RBFOX1: variants seen among roughly 807,000 people sequenced by gnomAD.
RBFOX1 encodes the protein RNA binding protein fox-1 homolog 1.
In RBFOX1, 8 loss-of-function variants were observed where a neutral mutation model predicts 57.7. The ratio of observed to expected loss-of-function variants is 0.14; its 90% confidence interval spans 0.08 to 0.25. The LOEUF is 0.25. RBFOX1 is among the 10% of genes least tolerant of loss of function. The pLI, the probability that RBFOX1 is intolerant of heterozygous loss-of-function variation, is 1.00. For synonymous variants in RBFOX1, 326 were observed against 222.4 expected (o/e 1.47, Z -4.15); for missense variants, 611 against 548.5 (o/e 1.11, Z -1.14).
intron 2 of RBFOX1, among the ~76,000 whole-genome samples, chr16:6,478,563 G>A (rs2153091802): frequency 6.6e-6 from 1 of 150,670 alleles, no homozygotes; most frequent in Admixed American, 6.6e-5. Context: ...CGCTGTCCCA[G>A]CTTTAAAAGT....
At chr16:5,864,334 A>G (rs577231556) in intron 3 of RBFOX1, among the ~76,000 whole-genome samples, 134 of 152,342 alleles carry the variant, frequency 8.8e-4, no homozygotes, top group Non-Finnish European at 1.2e-3. Flanking sequence ...TTAATTTTAC[A>G]AGTGGATACA....
intron 4 of RBFOX1, among the ~76,000 whole-genome samples, chr16:7,233,384 A>C (rs2093610775): frequency 2.6e-5 from 4 of 152,150 alleles, no homozygotes. Flanking sequence ...CCAAGTCCTG[A>C]TCACCATTTG....
intron 4 of RBFOX1, among the ~76,000 whole-genome samples, chr16:7,225,920 A>ATATATATATATATATATATAT (rs71147674): frequency 5.7e-5 from 8 of 140,926 alleles, no homozygotes; most frequent in Non-Finnish European, 9.3e-5. Flanking sequence ...ATATATATAT[A>ATATATATATATATATATATAT]AATGTGAATG....
At chr16:5,821,702 C>A (rs1308042607) in intron 3 of RBFOX1, among the ~76,000 whole-genome samples, 2 of 152,164 alleles carry the variant, frequency 1.3e-5, no homozygotes, top group African/African-American at 4.8e-5. Context: ...GAACAGAAAG[C>A]ACAAACATTA....
chr16:7,651,061 G>A (rs927574516), intron 11 of RBFOX1, among the ~76,000 whole-genome samples: 1 of 148,466 alleles, frequency 6.7e-6, no homozygotes, highest in African/African-American at 2.4e-5. Flanking sequence ...TCTATCTTTA[G>A]CAAGAATAAA....
In RBFOX1 at chr16:5,671,795, G is replaced by A. The variant is rs151127768; in HGVS notation, c.318+72834G>A. 9.6e-4 allele frequency among the ~76,000 whole-genome samples: 146 copies of A among 152,292 alleles called. 2 individuals carry two copies. Among genetic ancestry groups the A allele is most frequent in the Middle Eastern group, 3.4e-3 (1 of 294 alleles). On this transcript the variant is annotated intron_variant, in intron 3 of 19. Transcript: ENST00000641259. ...CTATCCAGTGAATATAAGGCCCCTT[G>A]TCTTTTTATAATTTAAAATGACTAT...
intron 4 of RBFOX1, among the ~76,000 whole-genome samples, chr16:7,327,170 G>C (rs1178083146): frequency 4.6e-5 from 7 of 152,162 alleles, no homozygotes; most frequent in African/African-American, 1.2e-4. Flanking sequence ...TGGAACATTT[G>C]ACTTAGGCCA....
At position 6,055,672 on chromosome 16, in the gene RBFOX1, G is replaced by C. The variant is rs200393378; in HGVS notation, c.-127+35680G>C. Among the ~76,000 whole-genome samples the C allele has an allele frequency of 3.3e-5, 5 of 150,694 alleles. No homozygotes were observed. The East Asian group carries it at 9.8e-4, about 30-fold the overall frequency. On this transcript the variant is annotated intron_variant, in intron 1 of 15. Coordinates refer to ENST00000550418, the MANE Select transcript of RBFOX1 (RefSeq NM_018723.4). ...CTCATGGAAGTTTGCAGTCTGAGAA[G>C]CGAGACAAAAAAAAGTGAAATCATT...
chr16:5,860,992 C>G (rs1323280963), intron 3 of RBFOX1, among the ~76,000 whole-genome samples: 1 of 152,142 alleles, frequency 6.6e-6, no homozygotes, highest in Admixed American at 6.5e-5. Flanking sequence ...TTCCTGAAGG[C>G]TAAAGGGATA....
intron 2 of RBFOX1, among the ~76,000 whole-genome samples, chr16:6,575,701 T>C (rs1359293741): frequency 1.3e-5 from 2 of 151,874 alleles, no homozygotes; most frequent in African/African-American, 4.8e-5. Flanking sequence ...GTACTAAAAG[T>C]ACAGAAATTA....
intron 2 of RBFOX1, among the ~76,000 whole-genome samples, chr16:6,328,209 A>G (rs2082597633): frequency 6.6e-6 from 1 of 152,192 alleles, no homozygotes; most frequent in African/African-American, 2.4e-5. Flanking sequence ...GTTCTGACTC[A>G]TAAGTGGGAG....
intron 3 of RBFOX1, among the ~76,000 whole-genome samples, chr16:6,897,634 CA>C (rs199544058): frequency 1.3e-5 from 2 of 150,866 alleles, no homozygotes; most frequent in African/African-American, 4.9e-5. Context: ...TCTATTAAAA[CA>C]AAAAAAAATT....
intron 2 of RBFOX1, among the ~76,000 whole-genome samples, chr16:6,526,475 C>A (rs1021318817): frequency 6.6e-6 from 1 of 152,098 alleles, no homozygotes; most frequent in African/African-American, 2.4e-5. Flanking sequence ...TACAGCAATA[C>A]TTGTCTATTA....
At chr16:5,454,958 C>T (rs200472535) in intron 1 of RBFOX1, among the ~76,000 whole-genome samples, 7,686 of 30,028 alleles carry the variant, frequency 0.26, 1,412 homozygotes, top group East Asian at 0.42. Context: ...TTCCTTCCTT[C>T]CTTTCTTTCT....
At chr16:6,961,126 G>C (rs112713234) in intron 3 of RBFOX1, among the ~76,000 whole-genome samples, 785 of 60,580 alleles carry the variant, frequency 0.013, 4 homozygotes, top group African/African-American at 0.042. Flanking sequence ...CTGGGCAATA[G>C]AGACTCCATC....
At chr16:6,907,005 T>G (rs895521923) in intron 3 of RBFOX1, among the ~76,000 whole-genome samples, 1 of 152,190 alleles carries the variant, frequency 6.6e-6, no homozygotes, top group African/African-American at 2.4e-5. Context: ...ATTACAGGCA[T>G]GAGCCACCGC....
Position 7,327,697 on chromosome 16 carries a change from G to A in RBFOX1, c.28-190450G>A, listed in dbSNP as rs534258389. Among the ~76,000 whole-genome samples the A allele has an allele frequency of 5.9e-5, 9 of 152,222 alleles. No homozygotes were observed. The East Asian group carries it at 7.7e-4, about 13-fold the overall frequency. Reference sequence around the variant, plus strand: ...GACCTGTGGGAGAGGCAGCTTTTTCGCAGATATGATTATTGGTACAAAGAA... The same window carrying A: ...GACCTGTGGGAGAGGCAGCTTTTTCACAGATATGATTATTGGTACAAAGAA... On this transcript the variant is annotated intron_variant, in intron 4 of 15. Coordinates refer to ENST00000550418, the MANE Select transcript of RBFOX1 (RefSeq NM_018723.4).
chr16:5,365,744 G>A (rs900414038), intron 1 of RBFOX1: 7 of 449,892 alleles, frequency 1.6e-5, no homozygotes, highest in African/African-American at 1.2e-4. Flanking sequence ...TTGAGCAGTG[G>A]TCATTTATCT....
chr16:6,148,585 A>C (rs918382872), intron 1 of RBFOX1, among the ~76,000 whole-genome samples: 1 of 152,114 alleles, frequency 6.6e-6, no homozygotes, highest in Non-Finnish European at 1.5e-5. Context: ...CCTGGCACCT[A>C]GGTAGTAGAT....
Sources: allele counts gnomAD v4.1 joint callset (sites outside exome capture counted in the v4.1 genomes callset), GRCh38; gene constraint gnomAD v4.1.1; transcripts MANE v1.5; gene names NCBI Gene and HGNC (gene_info 2026-07-23, HGNC 2026-07-21).